Variants in PDE4D observed in about 807,000 individuals in gnomAD.
PDE4D encodes phosphodiesterase 4D, also known as 3',5'-cyclic-AMP phosphodiesterase 4D.
In PDE4D, 24 loss-of-function variants were observed where a neutral mutation model predicts 87.4. The ratio of observed to expected loss-of-function variants is 0.27; its 90% CI spans 0.20 to 0.39. The LOEUF is 0.39. PDE4D is among the 10% of genes least tolerant of loss of function. The pLI is 1.00. For synonymous variants in PDE4D, 384 were observed against 383.2 expected, an observed-to-expected ratio of 1.00 and a Z score of -0.02; for missense variants, 714 against 1,041.0, an observed-to-expected ratio of 0.69 and a Z score of 4.32.
At position 60,472,835 on chromosome 5, in the gene PDE4D, T is replaced by C. The variant is rs111804287; in HGVS notation, c.-90+15107A>G. Among the ~76,000 whole-genome samples the C allele has an allele frequency of 4.6e-5, 7 of 152,330 alleles. 1 individual carries two copies. The highest frequency in any genetic ancestry group is 1.7e-4 in the African/African-American group (7 of 41,572). ...TTCAATAAATTACATGAAATATTTA[T>C]GTAATTTACTTTATTACATGATTTA... On this transcript the variant is annotated intron_variant, in intron 1 of 16. Coordinates refer to the PDE4D transcript ENST00000502484.
chr5:59,202,194 C>T (rs11740671), intron 2 of PDE4D, among the ~76,000 whole-genome samples: 24,244 of 151,630 alleles, frequency 0.16, 2,075 homozygotes, highest in African/African-American at 0.17. Flanking sequence ...CGCCTGCCAC[C>T]ATGCCCAGCT....
intron 5 of PDE4D, among the ~76,000 whole-genome samples, chr5:59,076,872 C>A (rs1270630928): frequency 6.6e-6 from 1 of 152,118 alleles, no homozygotes; most frequent in Non-Finnish European, 1.5e-5. Context: ...TATCAATAAT[C>A]CAGTATTTCA....
chr5:59,880,545 G>T (rs987677167), intron 1 of PDE4D, among the ~76,000 whole-genome samples: 1 of 152,198 alleles, frequency 6.6e-6, no homozygotes. Flanking sequence ...CATTGAACAT[G>T]CTTGACAAAG....
At chr5:59,314,290 T>C (rs1261271724) in intron 1 of PDE4D, 1 of 152,104 alleles carries the variant, frequency 6.6e-6, no homozygotes, top group Non-Finnish European at 1.5e-5. Context: ...GGATGTGCCC[T>C]AGGACTCCTG....
rs190838018 is a variant in PDE4D, at chr5:59,036,753, C to T, written c.921+2106G>A. Among the ~76,000 whole-genome samples, 65 of 152,264 alleles carry T rather than the reference C, an allele frequency of 4.3e-4. 1 individual carries two copies. Among genetic ancestry groups the T allele is most frequent in the African/African-American group, 1.5e-3 (63 of 41,552 alleles). On this transcript the variant is annotated intron_variant, in intron 6 of 14. Coordinates refer to ENST00000340635, the MANE Select transcript of PDE4D (RefSeq NM_001104631.2). ...GCTTGGACATTAAAAGTTTAAGCAA[C>T]AGCTTAAGCTGAGCTAAGTTTAATG...
At chr5:59,524,567 G>A (rs1030697357) in intron 1 of PDE4D, among the ~76,000 whole-genome samples, 2 of 152,178 alleles carry the variant, frequency 1.3e-5, no homozygotes, top group African/African-American at 4.8e-5. Flanking sequence ...CCATTTTCTG[G>A]GGGAAAATTC....
At chr5:60,385,956 G>A (rs1389009062) in intron 1 of PDE4D, among the ~76,000 whole-genome samples, 1 of 152,028 alleles carries the variant, frequency 6.6e-6, no homozygotes, top group Non-Finnish European at 1.5e-5. Flanking sequence ...CACAGTAGTT[G>A]TTTGTGCACA....
chr5:59,990,626 T>C (rs1762914887), intron 2 of PDE4D, among the ~76,000 whole-genome samples: 1 of 152,206 alleles, frequency 6.6e-6, no homozygotes, highest in Non-Finnish European at 1.5e-5. Flanking sequence ...AGGAATCTAC[T>C]TGCTTTATAA....
At chr5:59,176,533 C>T (rs1426051690) in intron 5 of PDE4D, among the ~76,000 whole-genome samples, 1 of 148,372 alleles carries the variant, frequency 6.7e-6, no homozygotes, top group Non-Finnish European at 1.5e-5. Context: ...CCAGCCTGGG[C>T]GATAAGAGCA....
intron 1 of PDE4D, among the ~76,000 whole-genome samples, chr5:59,557,199 G>T (rs1400469844): frequency 6.6e-6 from 1 of 152,090 alleles, no homozygotes; most frequent in Non-Finnish European, 1.5e-5. Context: ...TCTTAAAATA[G>T]GAACTATTCT....
intron 1 of PDE4D, among the ~76,000 whole-genome samples, chr5:60,427,993 T>A (rs2150106114): frequency 6.6e-6 from 1 of 152,292 alleles, no homozygotes; most frequent in Non-Finnish European, 1.5e-5. Context: ...GGAGGACTGC[T>A]TGAGCCCCAG....
At chr5:59,241,593 T>A (rs192434485) in intron 1 of PDE4D, among the ~76,000 whole-genome samples, 2 of 152,336 alleles carry the variant, frequency 1.3e-5, no homozygotes, top group Admixed American at 6.5e-5. Flanking sequence ...AAATGCCATC[T>A]CTTTCCAAAG....
At chr5:59,539,087 T>C (rs373030803) in intron 1 of PDE4D, among the ~76,000 whole-genome samples, 4 of 152,348 alleles carry the variant, frequency 2.6e-5, no homozygotes, top group Admixed American at 2.0e-4. Context: ...TACTTCATTG[T>C]AATTGATGTT....
intron 2 of PDE4D, among the ~76,000 whole-genome samples, chr5:60,145,673 T>C (rs147558895): frequency 2.0e-5 from 3 of 152,308 alleles, no homozygotes; most frequent in Non-Finnish European, 4.4e-5. Context: ...AGATATCCAG[T>C]ACTCAGGATA....
intron 1 of PDE4D, among the ~76,000 whole-genome samples, chr5:59,249,376 T>A (rs1309281196): frequency 6.6e-6 from 1 of 152,108 alleles, no homozygotes; most frequent in Non-Finnish European, 1.5e-5. Flanking sequence ...TGTAACCTGG[T>A]ATAACCTTTA....
At chr5:59,560,747 A>G (rs1376479858) in intron 1 of PDE4D, 2 of 152,212 alleles carry the variant, frequency 1.3e-5, no homozygotes, top group Non-Finnish European at 2.9e-5. Flanking sequence ...AATACGGGGA[A>G]AAGCTAGCAG....
At chr5:59,169,476 C>G (rs1246389123) in intron 5 of PDE4D, among the ~76,000 whole-genome samples, 1 of 152,166 alleles carries the variant, frequency 6.6e-6, no homozygotes, top group Non-Finnish European at 1.5e-5. Context: ...GAGCAAGCTG[C>G]TCTACTTAAA....
chr5:59,568,284 G>A (rs1821278204), intron 1 of PDE4D, among the ~76,000 whole-genome samples: 1 of 152,142 alleles, frequency 6.6e-6, no homozygotes, highest in Non-Finnish European at 1.5e-5. Context: ...TATGACAGTA[G>A]TGGATTATAA....
At chr5:60,505,239 T>A (rs1278974031) in intron 1 of PDE4D, among the ~76,000 whole-genome samples, 1 of 152,226 alleles carries the variant, frequency 6.6e-6, no homozygotes, top group Non-Finnish European at 1.5e-5. Context: ...CTATTCTCCA[T>A]GCTCGTCAGG....
Sources: gnomAD v4.1 joint callset for allele counts (sites outside exome capture counted in the v4.1 genomes callset) on GRCh38, gnomAD v4.1.1 for gene constraint, MANE v1.5 for transcripts, NCBI Gene and HGNC (gene_info 2026-07-23, HGNC 2026-07-21) for gene names.